The following RORA variants were observed in gnomAD, a reference collection of about 807,000 sequenced individuals.
RORA encodes nuclear receptor ROR-alpha.
A neutral mutation model predicts 69.5 loss-of-function variants in RORA; 7 were observed. The ratio of observed to expected loss-of-function variants is 0.10; its 90% CI spans 0.06 to 0.19. The LOEUF (loss-of-function observed/expected upper bound fraction) is 0.19. RORA is among the 10% of genes least tolerant of loss of function. The pLI, the probability that RORA is intolerant of heterozygous loss-of-function variation, is 1.00. For synonymous variants in RORA, 261 were observed against 240.8 expected (o/e 1.08, Z -0.78); for missense variants, 457 against 663.0 (o/e 0.69, Z 3.41).
At chr15:60,917,643 C>T (rs776248741) in intron 1 of RORA, among the ~76,000 whole-genome samples, 3 of 152,186 alleles carry the variant, frequency 2.0e-5, no homozygotes, top group Admixed American at 2.0e-4. Flanking sequence ...CCAGAGCCCT[C>T]GCATTGCATA....
intron 3 of RORA, among the ~76,000 whole-genome samples, chr15:60,527,150 A>G (rs994381334): frequency 1.4e-4 from 21 of 152,360 alleles, no homozygotes; most frequent in East Asian, 7.7e-4. Flanking sequence ...TCAGAAACCA[A>G]TTCACTAACC....
At chr15:60,533,090 A>G (rs1413509698) in intron 2 of RORA, among the ~76,000 whole-genome samples, 2 of 152,232 alleles carry the variant, frequency 1.3e-5, no homozygotes, top group African/African-American at 2.4e-5. Flanking sequence ...GTGATGTTGC[A>G]TTCGATACTT....
chr15:60,743,123 T>C (rs2071598422), intron 1 of RORA, among the ~76,000 whole-genome samples: 1 of 151,638 alleles, frequency 6.6e-6, no homozygotes. Context: ...CAAGTGATTC[T>C]TGTGCCTCAG....
intron 1 of RORA, among the ~76,000 whole-genome samples, chr15:60,835,493 G>A (rs1480717937): frequency 1.3e-5 from 2 of 152,186 alleles, no homozygotes; most frequent in Non-Finnish European, 2.9e-5. Context: ...AGAGCCAGGA[G>A]ATATACCTAA....
Position 60,731,879 on chromosome 15 carries a change from G to A in RORA, c.167-53193C>T, listed in dbSNP as rs571925876. Among the ~76,000 whole-genome samples the A allele has an allele frequency of 3.9e-5, 6 of 152,318 alleles. No homozygotes were observed. In the South Asian group the frequency reaches 6.2e-4, roughly 16 times the overall value. ...GCATAAGCTTAAAGTTGCTGTCAGC[G>A]TTCTTTTTCAGCCAAGTATCTGCAG... is the stretch of plus-strand genomic sequence containing the variant. On this transcript the variant is annotated intron_variant, in intron 1 of 10. Transcript: ENST00000335670.
rs567972723 is a variant in RORA at position 60,489,979 on chromosome 15, A to G, written c.*7476T>C. Reference sequence around the variant, plus strand: ...ATAAAGTAAATGCTAATAAGTTTCCATATAGCCATATTTATAAACAAATTC... The same window carrying G: ...ATAAAGTAAATGCTAATAAGTTTCCGTATAGCCATATTTATAAACAAATTC... On this transcript the variant is annotated 3_prime_UTR_variant, in exon 11 of 11. Transcript: ENST00000335670. 4 of 152,272 alleles carry G rather than the reference A, an allele frequency of 2.6e-5. No individual in the cohort carries two copies. Among genetic ancestry groups the G allele is most frequent in the East Asian group, 1.9e-4 (1 of 5,192 alleles). The allele number at this position is 152,272 out of a possible 1,614,324, so 9.4% of individuals were successfully genotyped here. A position where few individuals can be genotyped will look rare whatever the true frequency, so the allele number is the denominator to read the frequency against.
At chr15:60,859,922 C>T (rs1342888714) in intron 1 of RORA, among the ~76,000 whole-genome samples, 2 of 152,128 alleles carry the variant, frequency 1.3e-5, no homozygotes, top group Non-Finnish European at 1.5e-5. Flanking sequence ...GCAGCCGATC[C>T]CTGACATAAA....
At chr15:60,872,537 A>C (rs552710618) in intron 1 of RORA, among the ~76,000 whole-genome samples, 1 of 152,190 alleles carries the variant, frequency 6.6e-6, no homozygotes, top group Non-Finnish European at 1.5e-5. Flanking sequence ...CAGTGAGAAC[A>C]GCAAAGGTTT....
intron 1 of RORA, among the ~76,000 whole-genome samples, chr15:61,143,616 T>C (rs547538623): frequency 6.6e-6 from 1 of 152,140 alleles, no homozygotes; most frequent in South Asian, 2.1e-4. Flanking sequence ...GAAATAAACA[T>C]AATGCACATA....
chr15:60,946,479 G>A (rs1019139608), intron 1 of RORA, among the ~76,000 whole-genome samples: 8 of 152,316 alleles, frequency 5.3e-5, no homozygotes, highest in Middle Eastern at 3.4e-3. Flanking sequence ...TTTGTTGGCC[G>A]GGCTGGTCTC....
chr15:60,846,775 C>A (rs1567212403), intron 1 of RORA, among the ~76,000 whole-genome samples: 1 of 152,220 alleles, frequency 6.6e-6, no homozygotes, highest in Non-Finnish European at 1.5e-5. Context: ...GCACAGATTG[C>A]TGGTTCTAAA....
intron 1 of RORA, among the ~76,000 whole-genome samples, chr15:61,171,575 C>T (rs913611597): frequency 2.0e-5 from 3 of 152,166 alleles, no homozygotes; most frequent in Non-Finnish European, 4.4e-5. Context: ...CACTGGTCCC[C>T]ACCCACTCCA....
chr15:60,595,986 G>T (rs1033872870), intron 2 of RORA, among the ~76,000 whole-genome samples: 1 of 152,202 alleles, frequency 6.6e-6, no homozygotes, highest in Non-Finnish European at 1.5e-5. Context: ...AAAACACCTA[G>T]GGGAAAAGAT....
intron 1 of RORA, among the ~76,000 whole-genome samples, chr15:61,071,934 G>T (rs987065492): frequency 6.6e-6 from 1 of 152,082 alleles, no homozygotes; most frequent in Non-Finnish European, 1.5e-5. Context: ...TAGAGATGGG[G>T]TAGAGGGAGG....
rs2065157681 is a variant in RORA at position 60,495,980 on chromosome 15, G to T, written c.*1475C>A. On this transcript the variant is annotated 3_prime_UTR_variant, in exon 11 of 11. Coordinates refer to ENST00000335670, the MANE Select transcript of RORA (RefSeq NM_134261.3). ...TTACAGTCCACAGTTTCCTAGTGAA[G>T]ATAAATACAAGAGTAAATGTTTGCA... 1 of 151,968 alleles carries T rather than the reference G, an allele frequency of 6.6e-6. No homozygotes were observed. Among genetic ancestry groups the T allele is most frequent in the Non-Finnish European group, 1.5e-5 (1 of 68,002 alleles). 9.4% of individuals were successfully genotyped at this position (151,968 alleles called of 1,614,324 possible). A position where few individuals can be genotyped will look rare whatever the true frequency, so the allele number is the denominator to read the frequency against.
intron 1 of RORA, among the ~76,000 whole-genome samples, chr15:61,201,326 A>T (rs1413900480): frequency 6.6e-6 from 1 of 152,238 alleles, no homozygotes; most frequent in Non-Finnish European, 1.5e-5. Flanking sequence ...ATCCCAAGGT[A>T]GCCATTTGTT....
intron 1 of RORA, among the ~76,000 whole-genome samples, chr15:60,818,389 T>C (rs1449585300): frequency 1.3e-5 from 2 of 152,226 alleles, no homozygotes; most frequent in Non-Finnish European, 2.9e-5. Flanking sequence ...GATTTCCTTT[T>C]ATTCCTCATA....
chr15:60,520,386 CTCT>C (rs1284758341), intron 3 of RORA: 3 of 152,050 alleles, frequency 2.0e-5, no homozygotes, highest in Non-Finnish European at 2.9e-5. Flanking sequence ...TTTTAAAAAC[CTCT>C]TCTTTTCAGT....
At chr15:60,559,443 A>G (rs1239013739) in intron 2 of RORA, among the ~76,000 whole-genome samples, 1 of 152,226 alleles carries the variant, frequency 6.6e-6, no homozygotes, top group Non-Finnish European at 1.5e-5. Context: ...AACCAATTAT[A>G]AATAGGATGT....
Sources: gnomAD v4.1 joint callset for allele counts (sites outside exome capture counted in the v4.1 genomes callset) on GRCh38, gnomAD v4.1.1 for gene constraint, MANE v1.5 for transcripts, NCBI Gene and HGNC (gene_info 2026-07-23, HGNC 2026-07-21) for gene names.